Variants in FAM168B observed in about 807,000 individuals in gnomAD.
The protein encoded by FAM168B is myelin-associated neurite-outgrowth inhibitor.
A neutral mutation model predicts 21.8 loss-of-function variants in FAM168B; 19 were observed. That is an observed-to-expected ratio of 0.87 (90% confidence interval 0.61 to 1.28). FAM168B has a LOEUF of 1.28. Among genes scored for constraint, FAM168B ranks in the 50% most tolerant of loss-of-function variants. FAM168B has a pLI of 0.00. For missense variants in FAM168B, 233 were observed against 263.1 expected, an observed-to-expected ratio of 0.89 and a Z score of 0.79; for synonymous variants, 126 against 104.8, an observed-to-expected ratio of 1.20 and a Z score of -1.24.
chr2:131,065,092 G>T (rs1011948594), intron 3 of FAM168B, among the ~76,000 whole-genome samples: 2 of 152,188 alleles, frequency 1.3e-5, no homozygotes, highest in African/African-American at 4.8e-5. Context: ...AAGGAAGGTC[G>T]GGGCAGCAAA....
chr2:131,072,852 C>A (rs1692944359), intron 2 of FAM168B, among the ~76,000 whole-genome samples: 1 of 152,148 alleles, frequency 6.6e-6, no homozygotes, highest in Non-Finnish European at 1.5e-5. Context: ...CACGCTAGGT[C>A]CTGTTACCCT....
chr2:131,059,471 G>A (rs1482383736), intron 3 of FAM168B, among the ~76,000 whole-genome samples: 1 of 152,258 alleles, frequency 6.6e-6, no homozygotes, highest in South Asian at 2.1e-4. Flanking sequence ...AGACACTGCC[G>A]AATGGGATCC....
At chr2:131,064,521 G>A (rs887825738) in intron 3 of FAM168B, among the ~76,000 whole-genome samples, 13 of 152,088 alleles carry the variant, frequency 8.5e-5, no homozygotes, top group African/African-American at 1.7e-4. Flanking sequence ...GCAAACACCC[G>A]AATATTCTGG....
Position 131,050,993 on chromosome 2 carries a change from C to T in FAM168B, c.*1472G>A, listed in dbSNP as rs574528653. 51 of 985,412 alleles carry T rather than the reference C, an allele frequency of 5.2e-5. No homozygotes were observed. The African/African-American group carries it at 6.8e-4, about 13-fold the overall frequency. The allele number at this position is 985,412 out of a possible 1,614,324, so 61.0% of individuals were successfully genotyped here. A position where few individuals can be genotyped will look rare whatever the true frequency, so the allele number is the denominator to read the frequency against. Reference sequence around the variant, plus strand: ...ATACAGGACGGGCATATTTTGGGGGCGGGGTGGAGGGAAGCCTTTTCATTT... The same window carrying T: ...ATACAGGACGGGCATATTTTGGGGGTGGGGTGGAGGGAAGCCTTTTCATTT... On this transcript the variant is annotated 3_prime_UTR_variant, in exon 7 of 7. Transcript: ENST00000389915.
intron 1 of FAM168B, among the ~76,000 whole-genome samples, chr2:131,086,106 G>A (rs1238955217): frequency 1.3e-5 from 2 of 152,088 alleles, no homozygotes; most frequent in Non-Finnish European, 2.9e-5. Flanking sequence ...ACTAGCAACT[G>A]CCAATCCCTA....
Position 131,087,063 on chromosome 2 carries a change from C to CAAAAAAAAAA in FAM168B, c.-11-4416_-11-4407dup, listed in dbSNP as rs70994735. Among the ~76,000 whole-genome samples the CAAAAAAAAAA allele has an allele frequency of 9.8e-5, 4 of 40,670 alleles. No individual in the cohort carries two copies. In the African/African-American group the frequency reaches 1.1e-3, roughly 11 times the overall value. The allele number at this position is 40,670 out of a possible 152,430, so 26.7% of individuals were successfully genotyped here. A position where few individuals can be genotyped will look rare whatever the true frequency, so the allele number is the denominator to read the frequency against. Reference sequence around the variant, plus strand: ...CCTGGGCGACAGCGAGACTCCGTCTCAAAAAAAAAAAAAAAAAAAAAAGAG... The same window carrying CAAAAAAAAAA: ...CCTGGGCGACAGCGAGACTCCGTCTCAAAAAAAAAAAAAAAAAAAAAAAAAAAAAAAAGAG... On this transcript the variant is annotated intron_variant, in intron 1 of 6. Transcript: ENST00000389915.
intron 3 of FAM168B, among the ~76,000 whole-genome samples, chr2:131,065,551 G>A (rs1241433232): frequency 6.6e-6 from 1 of 152,118 alleles, no homozygotes; most frequent in African/African-American, 2.4e-5. Context: ...CACTTTGGGA[G>A]GCTTAGGTGG....
At chr2:131,083,223 G>A (rs963382911) in intron 1 of FAM168B, among the ~76,000 whole-genome samples, 6 of 152,110 alleles carry the variant, frequency 3.9e-5, no homozygotes, top group Non-Finnish European at 7.4e-5. Context: ...GTGTGGTGGC[G>A]CGTGCCTGTA....
At chr2:131,091,752 C>T (rs1480237568) in intron 1 of FAM168B, among the ~76,000 whole-genome samples, 1 of 151,914 alleles carries the variant, frequency 6.6e-6, no homozygotes, top group Non-Finnish European at 1.5e-5. Flanking sequence ...TGTATTTCTG[C>T]ACAGTACAAT....
chr2:131,069,987 T>C (rs979682829), intron 3 of FAM168B, among the ~76,000 whole-genome samples: 3 of 151,886 alleles, frequency 2.0e-5, no homozygotes, highest in Non-Finnish European at 4.4e-5. Flanking sequence ...GCCTCCCTAG[T>C]AGCCGGGATT....
chr2:131,071,912 C>A lies in FAM168B; in HGVS notation c.97G>T (p.Ala33Ser), dbSNP rs760706073. Residue 33 changes from alanine to serine, a missense_variant, in exon 3 of 7, where the codon GCA becomes TCA. Ala to Ser is a moderately conservative substitution (Grantham distance 99). Coordinates refer to ENST00000389915, the MANE Select transcript of FAM168B (RefSeq NM_001009993.4). ...ATGTTAGGAGAATAGGCAGGAGCTGCTGCTGCATAGCCCATGGGAAAACCA... is the reference window on the plus strand; with the variant it reads ...ATGTTAGGAGAATAGGCAGGAGCTGATGCTGCATAGCCCATGGGAAAACCA... ...PAGFPMGYAAAAPAYSPNMYP... is the reference protein window; with the variant it reads ...PAGFPMGYAASAPAYSPNMYP... The A allele has an allele frequency of 1.2e-6, 2 of 1,614,114 alleles. No homozygotes were observed. Among genetic ancestry groups the A allele is most frequent in the Non-Finnish European group, 8.5e-7 (1 of 1,179,982 alleles).
chr2:131,072,461 T>C, intron 2 of FAM168B, among the ~76,000 whole-genome samples: 1 of 151,772 alleles, frequency 6.6e-6, no homozygotes, highest in African/African-American at 2.4e-5. Flanking sequence ...TTATATATTT[T>C]ATTTTTATTT....
Position 131,052,067 on chromosome 2 carries a change from C to T in FAM168B, c.*398G>A, listed in dbSNP as rs1402108078. The T allele has an allele frequency of 9.1e-6, 9 of 985,706 alleles. No homozygotes were observed. The highest frequency in any genetic ancestry group is 9.6e-6 in the Non-Finnish European group (8 of 829,954). 61.1% of individuals were successfully genotyped at this position (985,706 alleles called of 1,614,324 possible). A position where few individuals can be genotyped will look rare whatever the true frequency, so the allele number is the denominator to read the frequency against. ...ACATTACAACAGTGCATTAGTGATA[C>T]AAGTTGTAAAATACGTTTCCATTCC... On this transcript the variant is annotated 3_prime_UTR_variant, in exon 7 of 7. Transcript: ENST00000389915.
chr2:131,091,995 TTAGCCAGGCGTGGTGGCGGG>T (rs1694056827), intron 1 of FAM168B, among the ~76,000 whole-genome samples: 1 of 148,050 alleles, frequency 6.8e-6, no homozygotes, highest in Non-Finnish European at 1.5e-5. Flanking sequence ...TACAAAAAAA[TTAGCCAGGCGTGGTGGCGGG>T]CGCCTGCAGT....
In FAM168B at chr2:131,049,530, G is replaced by A; in HGVS notation, c.*2935C>T. 1 of 985,446 alleles carries A rather than the reference G, an allele frequency of 1.0e-6. No homozygotes were observed. The highest frequency in any genetic ancestry group is 1.2e-6 in the Non-Finnish European group (1 of 829,956). The allele number at this position is 985,446 out of a possible 1,614,324, so 61.0% of individuals were successfully genotyped here. ...CAGAGCGGCAAGTTCATGGGTCACTGGCTCACACTAAATGCTCAGCCGCCA... is the reference window on the plus strand; with the variant it reads ...CAGAGCGGCAAGTTCATGGGTCACTAGCTCACACTAAATGCTCAGCCGCCA... On this transcript the variant is annotated 3_prime_UTR_variant, in exon 7 of 7. Transcript: ENST00000389915.
rs1307215926 is a variant in FAM168B at position 131,056,427 on chromosome 2, C to T, written c.155-732G>A. ...CGAGAAGAAGGCACTCAGCCAGCAG[C>T]GAGGAGCAGCTGGCACCAAGAGAGC... On this transcript the variant is annotated intron_variant, in intron 3 of 6. Coordinates refer to ENST00000389915, the MANE Select transcript of FAM168B (RefSeq NM_001009993.4). 3.3e-5 allele frequency among the ~76,000 whole-genome samples: 5 copies of T among 152,244 alleles called. No individual in the cohort carries two copies. In the East Asian group the frequency reaches 5.8e-4, roughly 18 times the overall value.
rs1295310186 is a variant in FAM168B, at chr2:131,050,260, G to C, written c.*2205C>G. ...TCCAGCCCTCACAGGAGTTGTACAT[G>C]TATGTTTCCATTTTGTTGTGTGGGG... On this transcript the variant is annotated 3_prime_UTR_variant, in exon 7 of 7. Transcript: ENST00000389915. The C allele has an allele frequency of 2.0e-6, 2 of 985,392 alleles. No homozygotes were observed. Among genetic ancestry groups the C allele is most frequent in the Non-Finnish European group, 2.4e-6 (2 of 829,926 alleles). The allele number at this position is 985,392 out of a possible 1,614,324, so 61.0% of individuals were successfully genotyped here. A position where few individuals can be genotyped will look rare whatever the true frequency, so the allele number is the denominator to read the frequency against.
intron 3 of FAM168B, among the ~76,000 whole-genome samples, chr2:131,059,326 A>C (rs1474262718): frequency 1.3e-5 from 2 of 152,152 alleles, no homozygotes; most frequent in African/African-American, 4.8e-5. Flanking sequence ...GTCTCAAATG[A>C]AAGAAACTGT....
chr2:131,049,137 G>A lies in FAM168B; in HGVS notation c.*3328C>T, dbSNP rs575231803. On this transcript the variant is annotated 3_prime_UTR_variant, in exon 7 of 7. Transcript: ENST00000389915. ...GGCCAACACTGACAGGTATTAGTAC[G>A]TCGCAAGTTGCTGTAATAATGTATT... 4.1e-4 allele frequency: 402 copies of A among 985,422 alleles called. No homozygotes were observed. The highest frequency in any genetic ancestry group is 3.2e-3 in the South Asian group (68 of 21,290). 61.0% of individuals were successfully genotyped at this position (985,422 alleles called of 1,614,324 possible). A position where few individuals can be genotyped will look rare whatever the true frequency, so the allele number is the denominator to read the frequency against.
Sources: allele counts gnomAD v4.1 joint callset (sites outside exome capture counted in the v4.1 genomes callset), GRCh38; gene constraint gnomAD v4.1.1; transcripts MANE v1.5; gene names NCBI Gene and HGNC (gene_info 2026-07-23, HGNC 2026-07-21).